FNDC3B: variants seen among roughly 807,000 people sequenced by gnomAD.
FNDC3B encodes fibronectin type III domain-containing protein 3B.
In FNDC3B, 12 loss-of-function variants were observed where a neutral mutation model predicts 151.5. The observed-to-expected ratio is 0.08, with a 90% CI of 0.05 to 0.13. The LOEUF is 0.13. Ranked by LOEUF, FNDC3B falls within the 10% of genes least tolerant of loss-of-function variation. The probability of loss-of-function intolerance (pLI) is 1.00; values close to 1 mark genes in which losing one functional copy is unlikely to be tolerated. For missense variants in FNDC3B, 1,214 were observed against 1,505.3 expected (o/e 0.81, Z 3.20); for synonymous variants, 528 against 549.0 (o/e 0.96, Z 0.54).
intron 3 of FNDC3B, among the ~76,000 whole-genome samples, chr3:172,163,418 CAAATT>C (rs893606166): frequency 8.6e-5 from 13 of 151,982 alleles, no homozygotes; most frequent in African/African-American, 3.1e-4. Context: ...TAATCATTAA[CAAATT>C]AAATCACTTT....
intron 14 of FNDC3B, among the ~76,000 whole-genome samples, chr3:172,334,218 C>G (rs747834443): frequency 2.0e-5 from 3 of 151,950 alleles, no homozygotes; most frequent in Non-Finnish European, 4.4e-5. Context: ...TTTTTAAAAC[C>G]CTTATTATCG....
chr3:172,041,423 T>C (rs1576809561), intron 1 of FNDC3B, among the ~76,000 whole-genome samples: 112 of 43,506 alleles, frequency 2.6e-3, no homozygotes, highest in Admixed American at 0.013. Context: ...CCTTCCTTCC[T>C]TCCTTCCTTC....
At chr3:172,121,335 G>A (rs1720535972) in intron 2 of FNDC3B, among the ~76,000 whole-genome samples, 1 of 152,120 alleles carries the variant, frequency 6.6e-6, no homozygotes, top group Non-Finnish European at 1.5e-5. Context: ...ATTAGGCTGG[G>A]CGCTGGTTCA....
intron 4 of FNDC3B, among the ~76,000 whole-genome samples, chr3:172,232,425 A>T (rs1455517191): frequency 6.6e-6 from 1 of 152,246 alleles, no homozygotes; most frequent in African/African-American, 2.4e-5. Context: ...AGGTGCAATC[A>T]ACAGCACGAG....
chr3:172,152,046 C>T (rs764431409), intron 3 of FNDC3B, among the ~76,000 whole-genome samples: 46 of 152,110 alleles, frequency 3.0e-4, no homozygotes, highest in Non-Finnish European at 5.0e-4. Flanking sequence ...ATGAATTGGC[C>T]GCTCACTTTA....
chr3:172,202,435 A>C (rs370363727), intron 3 of FNDC3B, among the ~76,000 whole-genome samples: 2 of 152,290 alleles, frequency 1.3e-5, no homozygotes, highest in South Asian at 4.1e-4. Flanking sequence ...CCTTTTGTGT[A>C]TTCTACAAGA....
At chr3:172,119,128 C>G (rs1335590156) in intron 2 of FNDC3B, among the ~76,000 whole-genome samples, 1 of 139,492 alleles carries the variant, frequency 7.2e-6, no homozygotes, top group East Asian at 2.1e-4. Context: ...CGACATTGAA[C>G]CACTGCACTC....
chr3:172,042,415 T>C (rs1170235616), intron 1 of FNDC3B, among the ~76,000 whole-genome samples: 2 of 152,152 alleles, frequency 1.3e-5, no homozygotes, highest in Non-Finnish European at 2.9e-5. Flanking sequence ...CATTAGGAGC[T>C]AAGTAGAAGA....
At chr3:172,196,027 T>C (rs754001559) in intron 3 of FNDC3B, among the ~76,000 whole-genome samples, 2 of 152,200 alleles carry the variant, frequency 1.3e-5, no homozygotes, top group Non-Finnish European at 2.9e-5. Flanking sequence ...ACAATGTTAA[T>C]TATTATAGAG....
intron 1 of FNDC3B, among the ~76,000 whole-genome samples, chr3:172,092,196 T>C (rs1215157233): frequency 6.6e-6 from 1 of 152,026 alleles, no homozygotes. Flanking sequence ...ATGACAGGTC[T>C]CTCCATGCAA....
At chr3:172,221,943 A>AG (rs1726296291) in intron 3 of FNDC3B, among the ~76,000 whole-genome samples, 1 of 152,196 alleles carries the variant, frequency 6.6e-6, no homozygotes, top group African/African-American at 2.4e-5. Flanking sequence ...CCTTATGGCT[A>AG]CTTCTGCCAG....
At position 172,325,297 on chromosome 3, in the gene FNDC3B, G is replaced by A. The variant is rs58099826; in HGVS notation, c.1255-3655G>A. On this transcript the variant is annotated intron_variant, in intron 11 of 25. Coordinates refer to ENST00000415807, the MANE Select transcript of FNDC3B (RefSeq NM_022763.4). ...AGTCTAAATTAGATTTTTTAAAGGCGGGAACGTGCCATAGATTATAATCTC... is the reference window on the plus strand; with the variant it reads ...AGTCTAAATTAGATTTTTTAAAGGCAGGAACGTGCCATAGATTATAATCTC... 2.1e-3 allele frequency among the ~76,000 whole-genome samples: 315 copies of A among 152,226 alleles called. 3 individuals are homozygous for A. The highest frequency in any genetic ancestry group is 7.1e-3 in the African/African-American group (293 of 41,522).
chr3:172,062,437 G>T (rs1044961109), intron 1 of FNDC3B, among the ~76,000 whole-genome samples: 3 of 151,472 alleles, frequency 2.0e-5, no homozygotes, highest in African/African-American at 7.3e-5. Context: ...TCAGCCTCCC[G>T]AGTAGCTGGG....
At chr3:172,364,293 T>C (rs1005328477) in intron 23 of FNDC3B, among the ~76,000 whole-genome samples, 3 of 152,202 alleles carry the variant, frequency 2.0e-5, no homozygotes, top group Non-Finnish European at 2.9e-5. Flanking sequence ...AAAACTAGCA[T>C]TGGGGGAAAT....
At chr3:172,249,055 A>C (rs1727933401) in intron 5 of FNDC3B, among the ~76,000 whole-genome samples, 1 of 151,682 alleles carries the variant, frequency 6.6e-6, no homozygotes, top group Non-Finnish European at 1.5e-5. Context: ...AGTATTGGGG[A>C]TATACTATGA....
intron 1 of FNDC3B, among the ~76,000 whole-genome samples, chr3:172,088,361 A>G (rs2108507328): frequency 6.6e-6 from 1 of 152,336 alleles, no homozygotes; most frequent in East Asian, 1.9e-4. Context: ...TGCAGCTAGC[A>G]TACATAACAG....
intron 3 of FNDC3B, among the ~76,000 whole-genome samples, chr3:172,142,886 A>G (rs902796346): frequency 1.3e-5 from 2 of 152,150 alleles, no homozygotes; most frequent in African/African-American, 4.8e-5. Context: ...TTGGTGTTTG[A>G]GGAAGGCCTG....
chr3:172,270,261 GT>G (rs1360201866), intron 6 of FNDC3B, among the ~76,000 whole-genome samples: 1 of 152,220 alleles, frequency 6.6e-6, no homozygotes, highest in African/African-American at 2.4e-5. Context: ...TGCTTTAGCT[GT>G]TGTTCCCTTA....
intron 6 of FNDC3B, among the ~76,000 whole-genome samples, chr3:172,284,876 G>A (rs769298442): frequency 5.3e-5 from 8 of 151,234 alleles, no homozygotes; most frequent in African/African-American, 9.7e-5. Flanking sequence ...TCTCGCTAGC[G>A]TTTAGCTCAT....
Sources: gnomAD v4.1 joint callset for allele counts (sites outside exome capture counted in the v4.1 genomes callset) on GRCh38, gnomAD v4.1.1 for gene constraint, MANE v1.5 for transcripts, NCBI Gene and HGNC (gene_info 2026-07-23, HGNC 2026-07-21) for gene names.